Variants in DAPK1 observed in about 807,000 individuals in gnomAD.
The protein encoded by DAPK1 is death associated protein kinase 1.
A neutral mutation model predicts 144.9 loss-of-function variants in DAPK1; 56 were observed. The ratio of observed to expected loss-of-function variants is 0.39; its 90% CI spans 0.31 to 0.48. The LOEUF (loss-of-function observed/expected upper bound fraction) is 0.48, where lower values mean the gene tolerates loss of function less well. Ranked by LOEUF, DAPK1 falls within the 20% of genes least tolerant of loss-of-function variation. The probability of loss-of-function intolerance (pLI) is 0.95; values close to 1 mark genes in which losing one functional copy is unlikely to be tolerated. For synonymous variants in DAPK1, 690 were observed against 749.0 expected (o/e 0.92, Z 1.29); for missense variants, 1,454 against 1,875.4 (o/e 0.78, Z 4.15).
chr9:87,656,342 G>A (rs1296902845), intron 17 of DAPK1, among the ~76,000 whole-genome samples: 2 of 152,114 alleles, frequency 1.3e-5, no homozygotes, highest in African/African-American at 2.4e-5. Context: ...GTGTCATTCT[G>A]TCCCAACCTG....
intron 2 of DAPK1, among the ~76,000 whole-genome samples, chr9:87,544,425 A>C (rs12685761): frequency 0.12 from 18,140 of 152,234 alleles, 1,384 homozygotes; most frequent in Admixed American, 0.16. Flanking sequence ...AATGTTATAG[A>C]TATGGTGAAG....
intron 17 of DAPK1, among the ~76,000 whole-genome samples, chr9:87,652,637 A>G (rs3118841): frequency 1.9e-5 from 1 of 52,522 alleles, no homozygotes; most frequent in Non-Finnish European, 3.9e-5. Flanking sequence ...CCCACCTGAT[A>G]CCAGGTCCTG....
chr9:87,695,744 C>T (rs1825236417), intron 21 of DAPK1, among the ~76,000 whole-genome samples: 1 of 152,224 alleles, frequency 6.6e-6, no homozygotes, highest in African/African-American at 2.4e-5. Context: ...CCCTCAGTCA[C>T]CTGGCCAAGT....
chr9:87,707,917 T>C lies in DAPK1; in HGVS notation c.*553T>C, dbSNP rs1825698814. 2 of 455,380 alleles carry C rather than the reference T, an allele frequency of 4.4e-6. No individual in the cohort carries two copies. The highest frequency in any genetic ancestry group is 3.1e-5 in the South Asian group (2 of 64,106). 28.2% of individuals were successfully genotyped at this position (455,380 alleles called of 1,614,324 possible). ...AGTGCCTTTTGCAGAAGAGGGTGTG[T>C]TTGAAATCATCGGAGTCAGCCAGGA... On this transcript the variant is annotated 3_prime_UTR_variant, in exon 26 of 26. Transcript: ENST00000408954. This position sits in a 1 kb window ranked among gnomAD's most constrained non-coding sequence, Gnocchi z 4.0.
At chr9:87,616,765 A>G (rs1004674862) in intron 3 of DAPK1, among the ~76,000 whole-genome samples, 1 of 152,230 alleles carries the variant, frequency 6.6e-6, no homozygotes, top group Non-Finnish European at 1.5e-5. Context: ...CCTGGAGAGC[A>G]CTGCATAACA....
At chr9:87,670,239 A>G (rs1438915499) in intron 19 of DAPK1, among the ~76,000 whole-genome samples, 1 of 151,976 alleles carries the variant, frequency 6.6e-6, no homozygotes, top group East Asian at 2.0e-4. Context: ...GAGCCTTTTC[A>G]TAGAGTTTCC....
intron 2 of DAPK1, among the ~76,000 whole-genome samples, chr9:87,592,185 G>A (rs1828160604): frequency 6.6e-6 from 1 of 152,226 alleles, no homozygotes; most frequent in African/African-American, 2.4e-5. Flanking sequence ...GGCCACCCAT[G>A]CTGGGAGGGG....
Position 87,643,442 on chromosome 9 carries a change from A to C in DAPK1, c.985A>C (p.Ser329Arg). ...GTCATTCCTGTCCAGAAGTAACATG[A>C]GTGTTGCCAGAAGCGATGATACTCT... Reference protein sequence around the residue: ...SRSFLSRSNMSVARSDDTLDE... With the variant: ...SRSFLSRSNMRVARSDDTLDE... The change falls in exon 11 of 26, where the codon AGT becomes CGT. Residue 329 changes from serine (S) to arginine (R), a missense_variant. This residue lies in a region of DAPK1 where 429 missense variants were observed against 637.5 expected (regional missense o/e 0.67). Transcript: ENST00000408954. The C allele has an allele frequency of 1.2e-6, 2 of 1,604,526 alleles. No homozygotes were observed. The highest frequency in any genetic ancestry group is 1.1e-5 in the South Asian group (1 of 90,746).
At chr9:87,659,950 A>G (rs1354781134) in intron 18 of DAPK1, among the ~76,000 whole-genome samples, 2 of 152,156 alleles carry the variant, frequency 1.3e-5, no homozygotes, top group African/African-American at 4.8e-5. Context: ...TGAGAGTCAT[A>G]GCCGTCAATT....
At chr9:87,533,106 AT>A (rs1432442681) in intron 2 of DAPK1, among the ~76,000 whole-genome samples, 1 of 152,246 alleles carries the variant, frequency 6.6e-6, no homozygotes, top group Admixed American at 6.5e-5. Context: ...GCTTAAAAAA[AT>A]ATGTGTGCCT....
chr9:87,534,205 T>C (rs1389639231), intron 2 of DAPK1, among the ~76,000 whole-genome samples: 2 of 152,068 alleles, frequency 1.3e-5, no homozygotes, highest in African/African-American at 2.4e-5. Context: ...ATGTGCGATA[T>C]GCCACACATA....
At chr9:87,553,711 G>T (rs1826587910) in intron 2 of DAPK1, 1 of 151,794 alleles carries the variant, frequency 6.6e-6, no homozygotes. Context: ...AGCCAGGCTG[G>T]TCTCGACCTC....
At position 87,657,554 on chromosome 9, in the gene DAPK1, C is replaced by T. The variant is rs532691724; in HGVS notation, c.1825-475C>T. 3 of 166,822 alleles carry T rather than the reference C, an allele frequency of 1.8e-5. No individual in the cohort carries two copies. In the South Asian group the frequency reaches 4.2e-4, roughly 23 times the overall value. The allele number at this position is 166,822 out of a possible 1,614,324, so 10.3% of individuals were successfully genotyped here. A position where few individuals can be genotyped will look rare whatever the true frequency, so the allele number is the denominator to read the frequency against. On this transcript the variant is annotated intron_variant, in intron 17 of 25. Transcript: ENST00000408954. The stretch of plus-strand genomic sequence containing the variant: ...CAAAAACTTTAGATATTCCTGGGCA[C>T]CCCTATGAATTCAGTACAGTTCCCT...
intron 2 of DAPK1, among the ~76,000 whole-genome samples, chr9:87,599,795 C>G (rs1450142866): frequency 2.0e-5 from 3 of 152,124 alleles, no homozygotes; most frequent in Non-Finnish European, 1.5e-5. Context: ...AACACTAAAC[C>G]ATTGCTCTTA....
In DAPK1 at chr9:87,625,282, A is replaced by G. The variant is rs148631482; in HGVS notation, c.285-12661A>G. ...CAGCAGGAACAGCAGCTTTCAGCTGAAGGCCATACAGGCAGATGCTGTGCC... is the reference window on the plus strand; with the variant it reads ...CAGCAGGAACAGCAGCTTTCAGCTGGAGGCCATACAGGCAGATGCTGTGCC... On this transcript the variant is annotated intron_variant, in intron 3 of 25. Coordinates refer to ENST00000408954, the MANE Select transcript of DAPK1 (RefSeq NM_004938.4). Among the ~76,000 whole-genome samples the G allele has an allele frequency of 4.0e-3, 617 of 152,368 alleles. 6 individuals are homozygous for G. Among genetic ancestry groups the G allele is most frequent in the African/African-American group, 0.014 (576 of 41,590 alleles).
intron 2 of DAPK1, among the ~76,000 whole-genome samples, chr9:87,534,864 C>G (rs897834622): frequency 6.6e-6 from 1 of 151,990 alleles, no homozygotes; most frequent in African/African-American, 2.4e-5. Context: ...AGGCTGGTCT[C>G]GAACTCCTGA....
intron 17 of DAPK1, 51 bp from the exon 18 acceptor site, chr9:87,657,978 T>C (rs539910788): frequency 1.3e-6 from 1 of 752,140 alleles, no homozygotes; most frequent in Admixed American, 2.0e-5. Context: ...AATGTCATCC[T>C]CAGCAACTGC....
chr9:87,602,978 A>G (rs925349565), intron 2 of DAPK1, among the ~76,000 whole-genome samples: 1 of 150,056 alleles, frequency 6.7e-6, no homozygotes, highest in African/African-American at 2.5e-5. Context: ...TTAAAGCACC[A>G]TGATTGAAAC....
chr9:87,604,170 G>T (rs548181577), intron 2 of DAPK1, among the ~76,000 whole-genome samples: 7 of 151,348 alleles, frequency 4.6e-5, no homozygotes, highest in African/African-American at 1.7e-4. Context: ...CAGCGGCTTT[G>T]AGGGGGGGGT....
Sources: allele counts gnomAD v4.1 joint callset (sites outside exome capture counted in the v4.1 genomes callset), GRCh38; gene constraint gnomAD v4.1.1; regional missense constraint gnomAD v4.1.1; non-coding constraint Gnocchi (gnomAD v3.1); transcripts MANE v1.5; gene names NCBI Gene and HGNC (gene_info 2026-07-23, HGNC 2026-07-21).